The following VWA3B variants were observed in gnomAD, a reference collection of about 807,000 sequenced individuals.
The protein encoded by VWA3B is von Willebrand factor A domain-containing protein 3B.
Under a neutral mutation model 158.3 loss-of-function variants are expected in VWA3B, and 138 were observed. The observed-to-expected ratio is 0.87, with a 90% confidence interval of 0.76 to 1.00. The LOEUF (loss-of-function observed/expected upper bound fraction) is 1.00, where lower values mean the gene tolerates loss of function less well. Among genes scored for constraint, VWA3B ranks in the 50% least tolerant of loss-of-function variants. The pLI is 0.00. For missense variants in VWA3B, 1,555 were observed against 1,565.1 expected, an observed-to-expected ratio of 0.99 and a Z score of 0.11; for synonymous variants, 596 against 587.3, an observed-to-expected ratio of 1.01 and a Z score of -0.21.
At chr2:98,188,344 A>G (rs924619814) in intron 10 of VWA3B, among the ~76,000 whole-genome samples, 2 of 152,168 alleles carry the variant, frequency 1.3e-5, no homozygotes, top group Admixed American at 6.5e-5. Flanking sequence ...TCGTTTCTGT[A>G]TGTTGTGAAC....
intron 21 of VWA3B, among the ~76,000 whole-genome samples, chr2:98,262,149 A>G (rs1687525810): frequency 6.6e-6 from 1 of 151,694 alleles, no homozygotes; most frequent in Non-Finnish European, 1.5e-5. Context: ...GTTGAGTTGT[A>G]GGAGTTGTTT....
At chr2:98,118,023 C>T (rs1326482091) in intron 3 of VWA3B, among the ~76,000 whole-genome samples, 2 of 152,190 alleles carry the variant, frequency 1.3e-5, no homozygotes, top group Non-Finnish European at 2.9e-5. Flanking sequence ...AGGCATGAGC[C>T]ATCATGCCAG....
At chr2:98,255,676 G>C (rs187980673) in intron 20 of VWA3B, among the ~76,000 whole-genome samples, 1 of 152,212 alleles carries the variant, frequency 6.6e-6, no homozygotes, top group East Asian at 1.9e-4. Context: ...CAGCCAGCCT[G>C]CTTGATCTCT....
Position 98,092,822 on chromosome 2 carries a change from A to G in VWA3B, c.-32-239A>G, listed in dbSNP as rs958791915. ...TATCTTTCTAGATGTTTTTGTATAT[A>G]TATATATATATATATATATATATAT... On this transcript the variant is annotated intron_variant, in intron 1 of 27. Transcript: ENST00000477737. Among the ~76,000 whole-genome samples, 425 of 86,390 alleles carry G rather than the reference A, an allele frequency of 4.9e-3. 5 individuals carry two copies. Among genetic ancestry groups the G allele is most frequent in the African/African-American group, 0.018 (320 of 17,836 alleles). 56.7% of individuals were successfully genotyped at this position (86,390 alleles called of 152,430 possible). A position where few individuals can be genotyped will look rare whatever the true frequency, so the allele number is the denominator to read the frequency against.
intron 5 of VWA3B, among the ~76,000 whole-genome samples, chr2:98,126,894 C>T (rs1162456029): frequency 6.6e-6 from 1 of 152,008 alleles, no homozygotes; most frequent in Non-Finnish European, 1.5e-5. Flanking sequence ...ATCCCTTCCA[C>T]CTCCTTGGCA....
In VWA3B at chr2:98,228,209, A is replaced by T. The variant is rs1193525519; in HGVS notation, c.2027A>T (p.Asp676Val). ...CACTTCTCATTTTGGCAGAATGAAG[A>T]TCTGACTCTTTTAGTTAAGGAAATG... Reference protein sequence around the residue: ...PTPPEAVQNEDLTLLVKEMEQ... With the variant: ...PTPPEAVQNEVLTLLVKEMEQ... The change falls in exon 15 of 28, where the codon GAT becomes GTT. Residue 676 changes from aspartate (D) to valine (V), a missense_variant. Coordinates refer to ENST00000477737, the MANE Select transcript of VWA3B (RefSeq NM_144992.5). The T allele has an allele frequency of 1.9e-6, 3 of 1,612,152 alleles. No homozygotes were observed. In the Admixed American group the frequency reaches 5.0e-5, roughly 27 times the overall value.
chr2:98,145,061 T>G (rs1677072541), intron 7 of VWA3B, among the ~76,000 whole-genome samples: 1 of 152,228 alleles, frequency 6.6e-6, no homozygotes, highest in Admixed American at 6.5e-5. Flanking sequence ...TTTATCTTTT[T>G]GCCTGGTTGC....
At chr2:98,192,820 G>C in intron 10 of VWA3B, 78 bp from the exon 11 acceptor site, 1 of 1,588,694 alleles carries the variant, frequency 6.3e-7, no homozygotes, top group South Asian at 1.1e-5. Flanking sequence ...CTCTGCAGAT[G>C]CATCGTTAAG....
intron 19 of VWA3B, among the ~76,000 whole-genome samples, chr2:98,248,825 TTCTTTC>T (rs1289743152): frequency 1.7e-4 from 2 of 11,604 alleles, no homozygotes; most frequent in Middle Eastern, 0.091. Context: ...CTCTTTCTTT[TTCTTTC>T]TTTCTTTCTT....
At chr2:98,252,085 C>A (rs1186111983) in intron 20 of VWA3B, among the ~76,000 whole-genome samples, 2 of 152,140 alleles carry the variant, frequency 1.3e-5, no homozygotes, top group Admixed American at 6.5e-5. Flanking sequence ...TCGCTTCTCA[C>A]CTCAGCACCA....
At chr2:98,259,798 C>G (rs556851753) in intron 21 of VWA3B, among the ~76,000 whole-genome samples, 2 of 151,626 alleles carry the variant, frequency 1.3e-5, no homozygotes, top group East Asian at 3.9e-4. Context: ...GTTTTCCCTC[C>G]TTTTTCTAGG....
intron 19 of VWA3B, among the ~76,000 whole-genome samples, chr2:98,248,956 A>G: frequency 6.7e-6 from 1 of 150,284 alleles, no homozygotes; most frequent in East Asian, 2.0e-4. Context: ...TTTCTTAAAC[A>G]TAGCAACAAC....
intron 26 of VWA3B, among the ~76,000 whole-genome samples, chr2:98,304,689 C>A (rs1690407824): frequency 6.6e-6 from 1 of 152,114 alleles, no homozygotes; most frequent in African/African-American, 2.4e-5. Flanking sequence ...GCTCCAGAGG[C>A]CCATCCTCCA....
intron 22 of VWA3B, among the ~76,000 whole-genome samples, chr2:98,273,714 T>C (rs995535899): frequency 6.6e-6 from 1 of 152,156 alleles, no homozygotes; most frequent in African/African-American, 2.4e-5. Flanking sequence ...ACAGACTTAG[T>C]CCTTAGACTA....
intron 2 of VWA3B, among the ~76,000 whole-genome samples, chr2:98,107,993 A>G (rs1384536019): frequency 1.3e-5 from 2 of 152,018 alleles, no homozygotes; most frequent in African/African-American, 4.8e-5. Context: ...TTATGTAAGC[A>G]TTTAGTGCTA....
At chr2:98,280,942 G>A (rs1688843262) in intron 22 of VWA3B, among the ~76,000 whole-genome samples, 1 of 152,206 alleles carries the variant, frequency 6.6e-6, no homozygotes, top group Non-Finnish European at 1.5e-5. Context: ...GGCTCATGCA[G>A]GAAATTCCAC....
intron 20 of VWA3B, among the ~76,000 whole-genome samples, chr2:98,251,412 A>G (rs1392548808): frequency 1.3e-5 from 2 of 152,184 alleles, no homozygotes; most frequent in Non-Finnish European, 2.9e-5. Context: ...GTTCAAGATG[A>G]TGATCACACA....
intron 15 of VWA3B, among the ~76,000 whole-genome samples, chr2:98,229,364 A>C (rs1354101894): frequency 6.6e-6 from 1 of 152,224 alleles, no homozygotes; most frequent in African/African-American, 2.4e-5. Context: ...AACCCGGGGC[A>C]GGTGCTCCAC....
intron 5 of VWA3B, 120 bp from the exon 6 acceptor site, chr2:98,128,119 T>C (rs1339959244): frequency 1.6e-6 from 2 of 1,223,174 alleles, no homozygotes; most frequent in East Asian, 2.4e-5. Context: ...TGGGCAGGGC[T>C]GCTATTCTTT....
Sources: gnomAD v4.1 joint callset for allele counts (sites outside exome capture counted in the v4.1 genomes callset) on GRCh38, gnomAD v4.1.1 for gene constraint, MANE v1.5 for transcripts, NCBI Gene and HGNC (gene_info 2026-07-23, HGNC 2026-07-21) for gene names.